PCDHA4: variants seen among roughly 807,000 people sequenced by gnomAD.
The protein encoded by PCDHA4 is protocadherin alpha-4.
In PCDHA4, 49 loss-of-function variants were observed where a neutral mutation model predicts 61.4. That is an observed-to-expected ratio of 0.80 (90% CI 0.63 to 1.01). The LOEUF (loss-of-function observed/expected upper bound fraction) is 1.01. Among genes scored for constraint, PCDHA4 ranks in the 50% least tolerant of loss-of-function variants. The probability of loss-of-function intolerance (pLI) is 0.00; values close to 1 mark genes in which losing one functional copy is unlikely to be tolerated. For missense variants in PCDHA4, 1,254 were observed against 1,235.8 expected, an observed-to-expected ratio of 1.01 and a Z score of -0.22; for synonymous variants, 590 against 550.3, an observed-to-expected ratio of 1.07 and a Z score of -1.01.
intron 1 of PCDHA4, among the ~76,000 whole-genome samples, chr5:140,875,022 C>T (rs1267699693): frequency 6.6e-6 from 1 of 152,116 alleles, no homozygotes; most frequent in Non-Finnish European, 1.5e-5. Context: ...TAGGTTCTGG[C>T]CTACTGTATT....
intron 1 of PCDHA4, chr5:140,871,726 T>A (rs1412265993): frequency 1.3e-6 from 1 of 740,884 alleles, no homozygotes; most frequent in Non-Finnish European, 2.1e-6. Flanking sequence ...CTCTTAATAT[T>A]TGGTTAGCAA....
chr5:140,987,035 G>A (rs992580023), intron 3 of PCDHA4, among the ~76,000 whole-genome samples: 2 of 151,946 alleles, frequency 1.3e-5, no homozygotes, highest in African/African-American at 4.8e-5. Flanking sequence ...TCAACATGGC[G>A]AAACCCCATC....
intron 1 of PCDHA4, among the ~76,000 whole-genome samples, chr5:140,903,665 G>A (rs2070490056): frequency 6.6e-6 from 1 of 152,156 alleles, no homozygotes; most frequent in African/African-American, 2.4e-5. Context: ...AAATTTAACT[G>A]ATATAAAAGA....
intron 1 of PCDHA4, chr5:140,848,245 A>G: frequency 2.2e-6 from 1 of 452,154 alleles, no homozygotes; most frequent in Non-Finnish European, 3.9e-6. Context: ...AGTTTTGCAG[A>G]ATAACTGTGA....
At chr5:140,952,185 T>C (rs1354216964) in intron 1 of PCDHA4, among the ~76,000 whole-genome samples, 1 of 152,010 alleles carries the variant, frequency 6.6e-6, no homozygotes, top group Non-Finnish European at 1.5e-5. Context: ...GCTGCTCTCA[T>C]GGGTTGGTGT....
intron 1 of PCDHA4, chr5:140,928,585 G>C: frequency 2.5e-6 from 4 of 1,614,194 alleles, no homozygotes; most frequent in Non-Finnish European, 3.4e-6. Flanking sequence ...AAATGGTTCT[G>C]TCCCAGTGGA....
chr5:140,926,641 C>A, intron 1 of PCDHA4: 1 of 460,388 alleles, frequency 2.2e-6, no homozygotes, highest in Non-Finnish European at 3.6e-6. Flanking sequence ...TCCTCAACAC[C>A]CGGCCGGCTC....
chr5:140,922,784 C>G (rs1399042980), intron 1 of PCDHA4, among the ~76,000 whole-genome samples: 1 of 152,140 alleles, frequency 6.6e-6, no homozygotes, highest in Non-Finnish European at 1.5e-5. Context: ...GGAGAGAAAA[C>G]TGTAGCTTTG....
chr5:140,946,763 C>T (rs1453017337), intron 1 of PCDHA4, among the ~76,000 whole-genome samples: 1 of 151,160 alleles, frequency 6.6e-6, no homozygotes, highest in Non-Finnish European at 1.5e-5. Context: ...TGATCTCATT[C>T]ATGTGGAATG....
intron 1 of PCDHA4, chr5:140,863,385 G>C: frequency 9.7e-7 from 1 of 1,030,864 alleles, no homozygotes; most frequent in Non-Finnish European, 1.4e-6. Context: ...CCGAGAGCTC[G>C]TGCATGCCGG....
Position 140,809,179 on chromosome 5 carries a change from T to G in PCDHA4, c.1992T>G (p.Thr664=), listed in dbSNP as rs782035761. Reference sequence around the variant, plus strand: ...AGCCCGCGCTGACGGCCACGGCCACTGTGCTGGTGTCACTTGTGGAGAGTG... The same window carrying G: ...AGCCCGCGCTGACGGCCACGGCCACGGTGCTGGTGTCACTTGTGGAGAGTG... ...HGEPALTATA[T]VLVSLVESGQ... Residue 664 remains threonine (T), a synonymous_variant, in exon 1 of 4, where the codon ACT becomes ACG. Transcript: ENST00000530339. 5.0e-6 allele frequency: 8 copies of G among 1,614,004 alleles called. No individual in the cohort carries two copies. Among genetic ancestry groups the G allele is most frequent in the East Asian group, 2.2e-5 (1 of 44,878 alleles).
intron 1 of PCDHA4, among the ~76,000 whole-genome samples, chr5:140,906,837 A>C (rs543572104): frequency 2.0e-4 from 31 of 152,292 alleles, no homozygotes; most frequent in African/African-American, 7.5e-4. Flanking sequence ...GACTGATTTC[A>C]TCTTGAGAGT....
intron 1 of PCDHA4, chr5:140,877,743 G>A: frequency 6.2e-7 from 1 of 1,614,148 alleles, no homozygotes; most frequent in Non-Finnish European, 8.5e-7. Context: ...GGAGGCAGAG[G>A]GTGTGCTCTG....
chr5:140,852,182 A>C, intron 1 of PCDHA4: 1 of 758,132 alleles, frequency 1.3e-6, no homozygotes. Context: ...AATAACTATG[A>C]AAATGCCAGT....
At chr5:140,865,590 T>G (rs1353926761) in intron 1 of PCDHA4, 3 of 152,234 alleles carry the variant, frequency 2.0e-5, no homozygotes, top group Non-Finnish European at 4.4e-5. Flanking sequence ...AAATCACCAT[T>G]GTTTGAGCAG....
chr5:140,818,062 G>A (rs2150100004), intron 1 of PCDHA4, among the ~76,000 whole-genome samples: 2 of 152,042 alleles, frequency 1.3e-5, no homozygotes, highest in East Asian at 1.9e-4. Flanking sequence ...TTTTAATCTC[G>A]CTTGCAGTTT....
intron 1 of PCDHA4, among the ~76,000 whole-genome samples, chr5:140,898,022 T>A (rs1235447722): frequency 6.6e-6 from 1 of 152,202 alleles, no homozygotes; most frequent in Non-Finnish European, 1.5e-5. Flanking sequence ...CTTTGCCCAC[T>A]TTTTGATGGG....
intron 1 of PCDHA4, among the ~76,000 whole-genome samples, chr5:140,888,393 C>T (rs1554183447): frequency 1.3e-5 from 2 of 152,156 alleles, no homozygotes; most frequent in African/African-American, 4.8e-5. Context: ...CTGCTAAACA[C>T]CATCCAATTG....
intron 3 of PCDHA4, among the ~76,000 whole-genome samples, chr5:141,001,849 T>G (rs889682000): frequency 6.6e-6 from 1 of 151,820 alleles, no homozygotes; most frequent in Non-Finnish European, 1.5e-5. Context: ...GAGAGAGAGG[T>G]TGATTAAATT....
Sources: gnomAD v4.1 joint callset for allele counts (sites outside exome capture counted in the v4.1 genomes callset) on GRCh38, gnomAD v4.1.1 for gene constraint, MANE v1.5 for transcripts, NCBI Gene and HGNC (gene_info 2026-07-23, HGNC 2026-07-21) for gene names.